The following SPAG16 variants were observed in gnomAD, a reference collection of about 807,000 sequenced individuals.
SPAG16 encodes sperm associated antigen 16, also known as sperm-associated antigen 16 protein.
A neutral mutation model predicts 80.4 loss-of-function variants in SPAG16; 86 were observed. The observed-to-expected ratio is 1.07, with a 90% CI of 0.90 to 1.28. The LOEUF (loss-of-function observed/expected upper bound fraction) is 1.28, where lower values mean the gene tolerates loss of function less well. SPAG16 is among the 50% of genes most tolerant of loss of function. The probability of loss-of-function intolerance (pLI) is 0.00; values close to 1 mark genes in which losing one functional copy is unlikely to be tolerated. For synonymous variants in SPAG16, 294 were observed against 265.9 expected (o/e 1.11, Z -1.03); for missense variants, 870 against 765.3 (o/e 1.14, Z -1.61).
At chr2:213,859,464 A>G (rs2075327860) in intron 10 of SPAG16, among the ~76,000 whole-genome samples, 1 of 152,136 alleles carries the variant, frequency 6.6e-6, no homozygotes, top group South Asian at 2.1e-4. Flanking sequence ...CAGCTCTGAT[A>G]CAATACACTG....
chr2:213,308,474 G>A (rs1262673560), intron 3 of SPAG16, among the ~76,000 whole-genome samples: 2 of 152,036 alleles, frequency 1.3e-5, no homozygotes, highest in East Asian at 1.9e-4. Flanking sequence ...CAATGATAAT[G>A]ATATTTTGAA....
intron 10 of SPAG16, among the ~76,000 whole-genome samples, chr2:213,520,792 TTACC>T (rs1395689743): frequency 2.0e-5 from 3 of 152,228 alleles, no homozygotes; most frequent in Non-Finnish European, 4.4e-5. Flanking sequence ...TTTCATGTAA[TTACC>T]TAAGTGAATT....
chr2:213,493,270 T>A (rs557087221), intron 10 of SPAG16, among the ~76,000 whole-genome samples: 1 of 152,374 alleles, frequency 6.6e-6, no homozygotes, highest in East Asian at 1.9e-4. Context: ...AGAATAATTA[T>A]GTTTTTTTCC....
Position 213,800,074 on chromosome 2 carries a change from T to C in SPAG16, c.1071-62411T>C, listed in dbSNP as rs375436433. On this transcript the variant is annotated intron_variant, in intron 10 of 15. Coordinates refer to ENST00000331683, the MANE Select transcript of SPAG16 (RefSeq NM_024532.5). The stretch of plus-strand genomic sequence containing the variant: ...TTCTTAAATTATGATGTTGACAGAA[T>C]ACTTTGACCTGTATAAAGTATGGGA... Among the ~76,000 whole-genome samples the C allele has an allele frequency of 9.2e-5, 14 of 152,268 alleles. 1 individual carries two copies. The highest frequency in any genetic ancestry group is 3.4e-4 in the African/African-American group (14 of 41,554).
chr2:213,672,903 G>C lies in SPAG16; in HGVS notation c.1070+182813G>C, dbSNP rs548294412. On this transcript the variant is annotated intron_variant, in intron 10 of 15. Coordinates refer to ENST00000331683, the MANE Select transcript of SPAG16 (RefSeq NM_024532.5). ...AGACGGAGTCTTGCACTGTTGCTTA[G>C]GCTGGAGTGCAGTGGCACGATCTTG... Among the ~76,000 whole-genome samples, 27 of 138,134 alleles carry C rather than the reference G, an allele frequency of 2.0e-4. No individual in the cohort carries two copies. In the East Asian group the frequency reaches 5.8e-3, roughly 29 times the overall value. The allele number at this position is 138,134 out of a possible 152,430, so 90.6% of individuals were successfully genotyped here.
At chr2:213,954,113 C>T (rs1390122562) in intron 12 of SPAG16, among the ~76,000 whole-genome samples, 2 of 151,262 alleles carry the variant, frequency 1.3e-5, no homozygotes, top group Non-Finnish European at 3.0e-5. Context: ...CAAAAAGAAG[C>T]TCCACTCTCA....
intron 13 of SPAG16, among the ~76,000 whole-genome samples, chr2:214,103,910 C>T (rs184138617): frequency 4.5e-4 from 68 of 151,682 alleles, no homozygotes; most frequent in African/African-American, 1.6e-3. Context: ...TTTCTTCCCT[C>T]TGGGGAGTGG....
intron 5 of SPAG16, among the ~76,000 whole-genome samples, chr2:213,319,398 T>TATATTTTGCAA (rs2063527167): frequency 6.6e-6 from 1 of 151,940 alleles, no homozygotes; most frequent in Non-Finnish European, 1.5e-5. Context: ...TTTTGCAAGG[T>TATATTTTGCAA]ATATAAATTT....
At chr2:214,048,087 T>C (rs1023047305) in intron 13 of SPAG16, among the ~76,000 whole-genome samples, 3 of 152,172 alleles carry the variant, frequency 2.0e-5, no homozygotes, top group African/African-American at 4.8e-5. Flanking sequence ...TCATACACTG[T>C]TGGTGGTAAT....
At chr2:214,073,003 G>A (rs1010456393) in intron 13 of SPAG16, among the ~76,000 whole-genome samples, 1 of 151,990 alleles carries the variant, frequency 6.6e-6, no homozygotes, top group Non-Finnish European at 1.5e-5. Context: ...AAAATTTCTA[G>A]TGACAATTAG....
Position 214,388,808 on chromosome 2 carries a change from A to G in SPAG16, c.1721-21332A>G, listed in dbSNP as rs550946622. On this transcript the variant is annotated intron_variant, in intron 15 of 15. Coordinates refer to ENST00000331683, the MANE Select transcript of SPAG16 (RefSeq NM_024532.5). The stretch of plus-strand genomic sequence containing the variant: ...ATCTTCCCAAAGTTACTATATGAAT[A>G]TACCACATATATTGGTTTCTGAAAT... 3.3e-5 allele frequency among the ~76,000 whole-genome samples: 5 copies of G among 152,330 alleles called. No individual in the cohort carries two copies. In the East Asian group the frequency reaches 9.6e-4, roughly 29 times the overall value.
chr2:213,340,391 A>T (rs1436271787), intron 6 of SPAG16, 121 bp downstream of exon 6: 1 of 716,456 alleles, frequency 1.4e-6, no homozygotes, highest in Admixed American at 3.0e-5. Flanking sequence ...TAAGATGAGT[A>T]AGTTGCGACC....
intron 10 of SPAG16, among the ~76,000 whole-genome samples, chr2:213,800,280 T>C (rs1315093324): frequency 6.6e-6 from 1 of 152,014 alleles, no homozygotes; most frequent in East Asian, 1.9e-4. Context: ...CTTTCCTTCA[T>C]CTTGTCTCCC....
intron 12 of SPAG16, among the ~76,000 whole-genome samples, chr2:213,979,664 C>T (rs1316639698): frequency 4.6e-5 from 7 of 152,022 alleles, no homozygotes; most frequent in Non-Finnish European, 8.8e-5. Context: ...CTACCTGGTC[C>T]CTCCCTTGAC....
intron 10 of SPAG16, among the ~76,000 whole-genome samples, chr2:213,845,700 C>G (rs765597670): frequency 6.6e-6 from 1 of 152,146 alleles, no homozygotes; most frequent in Non-Finnish European, 1.5e-5. Flanking sequence ...GCCATAAAAC[C>G]TCAGTGGCAC....
At chr2:213,346,331 G>T (rs561886900) in intron 6 of SPAG16, among the ~76,000 whole-genome samples, 1 of 152,102 alleles carries the variant, frequency 6.6e-6, no homozygotes, top group Non-Finnish European at 1.5e-5. Flanking sequence ...CTGCAAGCAG[G>T]GACAATTTGA....
At chr2:213,463,875 C>T (rs184666446) in intron 9 of SPAG16, among the ~76,000 whole-genome samples, 1 of 152,308 alleles carries the variant, frequency 6.6e-6, no homozygotes, top group East Asian at 1.9e-4. Flanking sequence ...CTTCTTCACT[C>T]CCATAGCTCA....
intron 13 of SPAG16, among the ~76,000 whole-genome samples, chr2:214,075,223 A>C (rs1461022917): frequency 6.6e-6 from 1 of 151,888 alleles, no homozygotes; most frequent in Non-Finnish European, 1.5e-5. Context: ...TGATTTTGAT[A>C]ATTGAAAGTG....
At chr2:214,150,127 A>G (rs1353202245) in intron 15 of SPAG16, among the ~76,000 whole-genome samples, 1 of 152,100 alleles carries the variant, frequency 6.6e-6, no homozygotes, top group African/African-American at 2.4e-5. Context: ...GTAAAGAACA[A>G]ATAAGAAGAA....
Sources: gnomAD v4.1 joint callset for allele counts (sites outside exome capture counted in the v4.1 genomes callset) on GRCh38, gnomAD v4.1.1 for gene constraint, MANE v1.5 for transcripts, NCBI Gene and HGNC (gene_info 2026-07-23, HGNC 2026-07-21) for gene names.